ZNF282: variants seen among roughly 807,000 people sequenced by gnomAD.
The protein encoded by ZNF282 is zinc finger protein 282.
ZNF282 carries 30 observed loss-of-function variants against 61.9 expected under a neutral mutation model. The observed-to-expected ratio is 0.48, with a 90% CI of 0.36 to 0.66. ZNF282 has a LOEUF of 0.66. ZNF282 is among the 30% of genes least tolerant of loss of function. The pLI is 0.00. For missense variants in ZNF282, 788 were observed against 941.4 expected (o/e 0.84, Z 2.13); for synonymous variants, 396 against 405.0 (o/e 0.98, Z 0.27).
intron 4 of ZNF282, among the ~76,000 whole-genome samples, chr7:149,209,361 T>C (rs186057466): frequency 3.3e-4 from 50 of 150,914 alleles, no homozygotes; most frequent in Non-Finnish European, 6.2e-4. Context: ...CCTTCCCTGC[T>C]CTCTTTTACC....
intron 5 of ZNF282, 116 bp downstream of exon 5, chr7:149,210,820 C>G (rs566505164): frequency 2.2e-6 from 3 of 1,384,706 alleles, no homozygotes; most frequent in African/African-American, 1.5e-5. Context: ...GGGCTGAGCT[C>G]GAAATGGAAG....
intron 7 of ZNF282, among the ~76,000 whole-genome samples, chr7:149,221,964 T>C (rs936610118): frequency 6.6e-6 from 1 of 151,492 alleles, no homozygotes; most frequent in Non-Finnish European, 1.5e-5. Flanking sequence ...TCAGAGCTCT[T>C]CCACAGGCTT....
At position 149,206,584 on chromosome 7, in the gene ZNF282, G is replaced by A. The variant is rs1211471747; in HGVS notation, c.586-112G>A. The A allele has an allele frequency of 1.0e-5, 16 of 1,529,850 alleles. No homozygotes were observed. In the East Asian group the frequency reaches 1.4e-4, roughly 13 times the overall value. The allele number at this position is 1,529,850 out of a possible 1,614,324, so 94.8% of individuals were successfully genotyped here. A position where few individuals can be genotyped will look rare whatever the true frequency, so the allele number is the denominator to read the frequency against. ...TGGACAGTGGGGACTGGGGAGCCAC[G>A]GAGAGCAAAGGCCGGGCTTTGGTGG... On this transcript the variant is annotated intron_variant, in intron 2 of 7. Transcript: ENST00000610704.
At chr7:149,216,543 A>T (rs1046603173) in intron 7 of ZNF282, among the ~76,000 whole-genome samples, 5 of 152,144 alleles carry the variant, frequency 3.3e-5, no homozygotes, top group African/African-American at 1.2e-4. Context: ...CTTTCTCCCA[A>T]AGTGAGCCTG....
At chr7:149,223,335 C>T (rs924637402) in intron 7 of ZNF282, among the ~76,000 whole-genome samples, 2 of 151,728 alleles carry the variant, frequency 1.3e-5, no homozygotes, top group Admixed American at 6.6e-5. Flanking sequence ...ATGGTCCCAG[C>T]TACTTGGCAG....
chr7:149,223,284 G>GTT lies in ZNF282; in HGVS notation c.1181-517_1181-516dup, dbSNP rs35217674. Among the ~76,000 whole-genome samples, 1,296 of 147,382 alleles carry GTT rather than the reference G, an allele frequency of 8.8e-3. 15 individuals carry two copies. Among genetic ancestry groups the GTT allele is most frequent in the Admixed American group, 0.032 (472 of 14,662 alleles). ...CCACTGCGACCGGCCGAAAAGATTT[G>GTT]TTTTTTTTTTTTAATTAGCTGGGCC... On this transcript the variant is annotated intron_variant, in intron 7 of 7. Coordinates refer to ENST00000610704, the MANE Select transcript of ZNF282 (RefSeq NM_003575.4).
intron 2 of ZNF282, among the ~76,000 whole-genome samples, chr7:149,204,038 T>C (rs1385360773): frequency 6.6e-6 from 1 of 152,072 alleles, no homozygotes; most frequent in East Asian, 1.9e-4. Context: ...GAGGTTACAG[T>C]CAAGCTGTTG....
rs1796342033 is a variant in ZNF282 at position 149,224,874 on chromosome 7, C to T, written c.*227C>T. 5 of 767,768 alleles carry T rather than the reference C, an allele frequency of 6.5e-6. No homozygotes were observed. In the East Asian group the frequency reaches 1.2e-4, roughly 18 times the overall value. 47.6% of individuals were successfully genotyped at this position (767,768 alleles called of 1,614,324 possible). A position where few individuals can be genotyped will look rare whatever the true frequency, so the allele number is the denominator to read the frequency against. On this transcript the variant is annotated 3_prime_UTR_variant, in exon 8 of 8. Transcript: ENST00000610704. ...GCTGCTGGGGAAGAGCCAGGGGGAC[C>T]GCGAGGAGCCGAGCGTCCTCGGGCA...
chr7:149,207,241 G>A, intron 3 of ZNF282, 110 bp from the exon 4 acceptor site: 1 of 1,396,394 alleles, frequency 7.2e-7, no homozygotes, highest in Non-Finnish European at 9.6e-7. Flanking sequence ...GCCAAAGAGG[G>A]ACACCCAGGA....
At chr7:149,209,315 C>CA (rs534333126) in intron 4 of ZNF282, among the ~76,000 whole-genome samples, 2,162 of 140,342 alleles carry the variant, frequency 0.015, 36 homozygotes, top group African/African-American at 0.036. Flanking sequence ...GATTCCGTCT[C>CA]AAAAAAAAAA....
At position 149,212,350 on chromosome 7, in the gene ZNF282, G is replaced by A. The variant is rs781577345; in HGVS notation, c.953-8G>A. ...TAACACCTTTGCCGCTCTTGTTCCC[G>A]CAAGTAGACTCCCCAATTTCTGCCC... On this transcript the variant is annotated splice_polypyrimidine_tract_variant and splice_region_variant and intron_variant, in intron 5 of 7. Transcript: ENST00000610704. 20 of 1,601,038 alleles carry A rather than the reference G, an allele frequency of 1.2e-5. No homozygotes were observed. Among genetic ancestry groups the A allele is most frequent in the South Asian group, 5.7e-5 (5 of 88,408 alleles).
intron 2 of ZNF282, among the ~76,000 whole-genome samples, chr7:149,202,150 C>CT (rs35380773): frequency 0.1 from 13,192 of 126,578 alleles, 909 homozygotes; most frequent in Middle Eastern, 0.14. Flanking sequence ...AGATATGCTT[C>CT]TTTTTTTTTT....
intron 7 of ZNF282, among the ~76,000 whole-genome samples, chr7:149,216,705 G>A (rs573890061): frequency 2.0e-5 from 3 of 152,164 alleles, no homozygotes; most frequent in Non-Finnish European, 4.4e-5. Flanking sequence ...GGATGGAGGG[G>A]AGAAGAGTCA....
chr7:149,219,279 T>TC lies in ZNF282; in HGVS notation c.1181-4530dup, dbSNP rs1192910066. On this transcript the variant is annotated intron_variant, in intron 7 of 7. Transcript: ENST00000610704. ...GAAATCCAGAGATTTAGAGGCTCCT[T>TC]CCCAGGAACCAGGGACAAAGGCCAG... 2.6e-5 allele frequency among the ~76,000 whole-genome samples: 4 copies of TC among 152,304 alleles called. No individual in the cohort carries two copies. The East Asian group carries it at 7.7e-4, about 29-fold the overall frequency.
chr7:149,223,713 G>C, intron 7 of ZNF282, 99 bp from the exon 8 acceptor site: 7 of 1,268,538 alleles, frequency 5.5e-6, no homozygotes, highest in Non-Finnish European at 7.1e-6. Flanking sequence ...TAGTGGAACT[G>C]AGGCTCAGAT....
At chr7:149,205,510 C>T (rs1795978919) in intron 2 of ZNF282, among the ~76,000 whole-genome samples, 2 of 152,220 alleles carry the variant, frequency 1.3e-5, no homozygotes, top group South Asian at 4.1e-4. Context: ...TGGGGCTTTT[C>T]CTGCATCTGG....
At chr7:149,196,540 C>G (rs1010641111) in intron 1 of ZNF282, among the ~76,000 whole-genome samples, 1 of 152,164 alleles carries the variant, frequency 6.6e-6, no homozygotes, top group African/African-American at 2.4e-5. Flanking sequence ...AGGGAAGACT[C>G]TCTGGGCCCA....
chr7:149,206,937 A>T lies in ZNF282; in HGVS notation c.712+115A>T. 4.3e-6 allele frequency: 6 copies of T among 1,385,304 alleles called. No individual in the cohort carries two copies. The South Asian group carries it at 8.1e-5, about 19-fold the overall frequency. 85.8% of individuals were successfully genotyped at this position (1,385,304 alleles called of 1,614,324 possible). On this transcript the variant is annotated intron_variant, in intron 3 of 7. Coordinates refer to ENST00000610704, the MANE Select transcript of ZNF282 (RefSeq NM_003575.4). Reference sequence around the variant, plus strand: ...TTGTTTCATATTTTTATGTAATGGAAACTCAGGAAACCATTTGCTTATAAT... The same window carrying T: ...TTGTTTCATATTTTTATGTAATGGATACTCAGGAAACCATTTGCTTATAAT...
intron 2 of ZNF282, among the ~76,000 whole-genome samples, chr7:149,200,882 C>T (rs1037910855): frequency 5.3e-5 from 8 of 152,204 alleles, no homozygotes; most frequent in African/African-American, 1.9e-4. Flanking sequence ...CAGGCGTGAG[C>T]CACCACGCCC....
Sources: gnomAD v4.1 joint callset for allele counts (sites outside exome capture counted in the v4.1 genomes callset) on GRCh38, gnomAD v4.1.1 for gene constraint, MANE v1.5 for transcripts, NCBI Gene and HGNC (gene_info 2026-07-23, HGNC 2026-07-21) for gene names.